The following ASIP variants were observed in gnomAD, a reference collection of about 807,000 sequenced individuals.
The protein encoded by ASIP is agouti signaling protein.
In ASIP, 11 loss-of-function variants were observed where a neutral mutation model predicts 10.3. The observed-to-expected ratio is 1.07, with a 90% confidence interval of 0.68 to 1.78. The LOEUF is 1.78. ASIP is among the 40% of genes most tolerant of loss of function. The probability of loss-of-function intolerance (pLI) is 0.00; values close to 1 mark genes in which losing one functional copy is unlikely to be tolerated. For missense variants in ASIP, 180 were observed against 169.2 expected (o/e 1.06, Z -0.35); for synonymous variants, 70 against 70.8 (o/e 0.99, Z 0.06).
intron 1 of ASIP, among the ~76,000 whole-genome samples, chr20:34,251,457 A>G (rs774402910): frequency 4.0e-5 from 6 of 151,686 alleles, no homozygotes; most frequent in Non-Finnish European, 8.8e-5. Context: ...GTATTTTTTA[A>G]TAGAGACGGG....
rs62210299 is a variant in ASIP, at chr20:34,227,070, A to G, written c.-11+32310A>G. 4.8e-3 allele frequency among the ~76,000 whole-genome samples: 726 copies of G among 152,348 alleles called. 3 individuals are homozygous for G. The highest frequency in any genetic ancestry group is 0.014 in the Middle Eastern group (4 of 294). ...CAGTAAAACTATTTATTTGCAAAAGACATGATTGTTTATGTAAAAAATCCA... is the reference window on the plus strand; with the variant it reads ...CAGTAAAACTATTTATTTGCAAAAGGCATGATTGTTTATGTAAAAAATCCA... On this transcript the variant is annotated intron_variant, in intron 1 of 3. Transcript: ENST00000568305.
chr20:34,223,828 G>A (rs1204877199), intron 1 of ASIP, among the ~76,000 whole-genome samples: 1 of 117,198 alleles, frequency 8.5e-6, no homozygotes, highest in Admixed American at 8.4e-5. Flanking sequence ...CCGTGTCTGT[G>A]TAGAAAGAAG....
intron 1 of ASIP, among the ~76,000 whole-genome samples, chr20:34,244,682 CTAA>C (rs2035340227): frequency 6.6e-6 from 1 of 152,144 alleles, no homozygotes; most frequent in South Asian, 2.1e-4. Context: ...GTTATTTCTT[CTAA>C]TGTCTTCTAA....
At chr20:34,198,496 T>C (rs911074238) in intron 1 of ASIP, among the ~76,000 whole-genome samples, 2 of 152,020 alleles carry the variant, frequency 1.3e-5, no homozygotes, top group Non-Finnish European at 2.9e-5. Flanking sequence ...TGTATTTATT[T>C]ATTTTTCAGA....
chr20:34,217,797 C>G (rs2035019686), intron 1 of ASIP, among the ~76,000 whole-genome samples: 1 of 152,164 alleles, frequency 6.6e-6, no homozygotes, highest in South Asian at 2.1e-4. Context: ...CTCCTGACCT[C>G]GTGATCCGCC....
At chr20:34,259,840 C>T (rs1333648506) in intron 1 of ASIP, among the ~76,000 whole-genome samples, 1 of 152,142 alleles carries the variant, frequency 6.6e-6, no homozygotes, top group Non-Finnish European at 1.5e-5. Context: ...CAAACTATAC[C>T]TGCATTCGTT....
chr20:34,232,627 A>G (rs143009515), intron 1 of ASIP, among the ~76,000 whole-genome samples: 130 of 152,350 alleles, frequency 8.5e-4, no homozygotes, highest in African/African-American at 3.0e-3. Flanking sequence ...GGCCAGTCGT[A>G]ATCACCATAC....
Position 34,262,839 on chromosome 20 carries a change from C to A in ASIP, c.168C>A (p.Asn56Lys), listed in dbSNP as rs770485831. ...DVPSVSIVAL[N>K]KKSKQIGRKA... ...TTTTGTCTCTCTTTGAAGCGCTGAA[C>A]AAGAAATCCAAACAGATCGGCAGAA... Residue 56 changes from asparagine to lysine, a missense_variant, in exon 3 of 4, where the codon AAC becomes AAA. Asn to Lys is a moderately conservative substitution (Grantham distance 94). Coordinates refer to ENST00000374954, the MANE Select transcript of ASIP (RefSeq NM_001672.3). 4.3e-6 allele frequency: 7 copies of A among 1,613,936 alleles called. No homozygotes were observed. In the South Asian group the frequency reaches 7.7e-5, roughly 18 times the overall value.
At chr20:34,191,929 C>T (rs1011083348), upstream of ASIP, among the ~76,000 whole-genome samples, 9 of 152,146 alleles carry the variant, frequency 5.9e-5, no homozygotes, top group Admixed American at 5.2e-4. Context: ...CGGGGTTTCA[C>T]CATGTTGGCC....
chr20:34,224,535 A>G (rs1350227733), intron 1 of ASIP, among the ~76,000 whole-genome samples: 1 of 152,112 alleles, frequency 6.6e-6, no homozygotes, highest in Non-Finnish European at 1.5e-5. Context: ...TGAATCAGAA[A>G]CATGCATACA....
chr20:34,243,942 GTAGTCCCA>G (rs1414375810), intron 1 of ASIP, among the ~76,000 whole-genome samples: 1 of 152,106 alleles, frequency 6.6e-6, no homozygotes, highest in Non-Finnish European at 1.5e-5. Flanking sequence ...GCGGGCGCCT[GTAGTCCCA>G]GCTACTCAGG....
chr20:34,220,641 G>A (rs1228151217), intron 1 of ASIP, among the ~76,000 whole-genome samples: 1 of 151,904 alleles, frequency 6.6e-6, no homozygotes, highest in African/African-American at 2.4e-5. Flanking sequence ...AGACCATGGA[G>A]AGCAAGCATT....
intron 1 of ASIP, among the ~76,000 whole-genome samples, chr20:34,241,728 G>A (rs529025851): frequency 5.3e-5 from 8 of 152,162 alleles, no homozygotes; most frequent in South Asian, 2.1e-4. Flanking sequence ...AGCAGTAAAC[G>A]AATAAATAAA....
chr20:34,266,534 G>A (rs983399991), intron 3 of ASIP, among the ~76,000 whole-genome samples: 6 of 151,534 alleles, frequency 4.0e-5, no homozygotes, highest in African/African-American at 7.3e-5. Context: ...TTAGCTGGGC[G>A]TGGTGGTGCA....
rs150347576 is a variant in ASIP, at chr20:34,260,503, C to A, written c.129C>A (p.Asn43Lys). 1.1e-5 allele frequency: 17 copies of A among 1,613,658 alleles called. No individual in the cohort carries two copies. The highest frequency in any genetic ancestry group is 9.3e-5 in the African/African-American group (7 of 74,942). The change falls in exon 2 of 4, where the codon AAC becomes AAA. Residue 43 changes from asparagine (N) to lysine (K), a missense_variant. Transcript: ENST00000374954. ...GCCTGAGAAGCAACTCCTCTGTGAA[C>A]CTACTGGATGTCCCTTCTGTCTCTA... is the stretch of plus-strand genomic sequence containing the variant. ...DRSLRSNSSV[N>K]LLDVPSVSIV...
chr20:34,264,726 C>T (rs2035754526), intron 3 of ASIP, among the ~76,000 whole-genome samples: 1 of 148,718 alleles, frequency 6.7e-6, no homozygotes. Context: ...CTTATATTTT[C>T]TTATAATCGA....
At chr20:34,223,333 G>A (rs2035064950) in intron 1 of ASIP, among the ~76,000 whole-genome samples, 1 of 149,252 alleles carries the variant, frequency 6.7e-6, no homozygotes. Flanking sequence ...CCGTCTGGGA[G>A]GTGAGGAGCG....
intron 3 of ASIP, among the ~76,000 whole-genome samples, chr20:34,268,332 C>T (rs1275442990): frequency 6.6e-6 from 1 of 152,108 alleles, no homozygotes; most frequent in Non-Finnish European, 1.5e-5. Context: ...CGGTGCACAG[C>T]GGGGCAGCGA....
chr20:34,190,806 C>T (rs553235415), upstream of ASIP, among the ~76,000 whole-genome samples: 5 of 152,316 alleles, frequency 3.3e-5, 1 homozygote, highest in South Asian at 8.3e-4. Flanking sequence ...GGATGTGTTT[C>T]GCAGCAAGGC....
Sources: gnomAD v4.1 joint callset for allele counts (sites outside exome capture counted in the v4.1 genomes callset) on GRCh38, gnomAD v4.1.1 for gene constraint, MANE v1.5 for transcripts, NCBI Gene and HGNC (gene_info 2026-07-23, HGNC 2026-07-21) for gene names.